NME7: variants seen among roughly 807,000 people sequenced by gnomAD.
NME7 encodes NME/NM23 family member 7, also known as nucleoside diphosphate kinase 7.
Under a neutral mutation model 49.1 loss-of-function variants are expected in NME7, and 41 were observed. That is an observed-to-expected ratio of 0.83 (90% CI 0.65 to 1.08). NME7 has a LOEUF of 1.08. Among genes scored for constraint, NME7 ranks in the 50% least tolerant of loss-of-function variants. The probability of loss-of-function intolerance (pLI) is 0.00; values close to 1 mark genes in which losing one functional copy is unlikely to be tolerated. For synonymous variants in NME7, 139 were observed against 150.6 expected, an observed-to-expected ratio of 0.92 and a Z score of 0.56; for missense variants, 423 against 463.4, an observed-to-expected ratio of 0.91 and a Z score of 0.80.
rs1659631451 is a variant in NME7 at position 169,172,459 on chromosome 1, T to C, written c.991-2905A>G. Among the ~76,000 whole-genome samples the C allele has an allele frequency of 2.0e-5, 3 of 152,202 alleles. No individual in the cohort carries two copies. In the South Asian group the frequency reaches 6.2e-4, roughly 32 times the overall value. Reference sequence around the variant, plus strand: ...ATCTCCTGTAAATTCCTGTAAGGACTTGGTAAGCAAGGGGATGATGGGCAC... The same window carrying C: ...ATCTCCTGTAAATTCCTGTAAGGACCTGGTAAGCAAGGGGATGATGGGCAC... On this transcript the variant is annotated intron_variant, in intron 10 of 11. Transcript: ENST00000367811.
At chr1:169,261,337 A>T (rs1261999567) in intron 7 of NME7, among the ~76,000 whole-genome samples, 1 of 133,762 alleles carries the variant, frequency 7.5e-6, no homozygotes, top group African/African-American at 2.5e-5. Context: ...TTTCATTCCA[A>T]TCTCACTAGA....
chr1:169,295,032 C>T (rs1392508777), intron 6 of NME7, among the ~76,000 whole-genome samples: 1 of 152,084 alleles, frequency 6.6e-6, no homozygotes, highest in Non-Finnish European at 1.5e-5. Context: ...ACACCTCTCC[C>T]GGTGGCTTGC....
chr1:169,174,069 A>G (rs1456937481), intron 10 of NME7, among the ~76,000 whole-genome samples: 2 of 152,182 alleles, frequency 1.3e-5, no homozygotes, highest in Non-Finnish European at 1.5e-5. Context: ...ATTCTTGGCT[A>G]TGTTACAGCT....
chr1:169,167,928 G>A (rs1659461575), intron 11 of NME7, among the ~76,000 whole-genome samples: 1 of 152,130 alleles, frequency 6.6e-6, no homozygotes, highest in South Asian at 2.1e-4. Flanking sequence ...GGCAGGAAAG[G>A]GCTCCCATAC....
At chr1:169,160,280 A>G (rs529595320) in intron 11 of NME7, among the ~76,000 whole-genome samples, 1 of 152,202 alleles carries the variant, frequency 6.6e-6, no homozygotes, top group East Asian at 1.9e-4. Context: ...ATCTTTCCTC[A>G]TCGTACCCTC....
intron 1 of NME7, among the ~76,000 whole-genome samples, chr1:169,337,010 C>T (rs1193519116): frequency 2.0e-5 from 3 of 152,262 alleles, no homozygotes; most frequent in African/African-American, 4.8e-5. Context: ...CAGCTGGCTT[C>T]ACCCAGTGGA....
intron 1 of NME7, among the ~76,000 whole-genome samples, chr1:169,333,131 G>T (rs2101949504): frequency 6.6e-6 from 1 of 152,224 alleles, no homozygotes; most frequent in South Asian, 2.1e-4. Flanking sequence ...CCATAAAAAA[G>T]AATGAGATCC....
At chr1:169,354,518 A>C (rs955826087) in intron 1 of NME7, among the ~76,000 whole-genome samples, 4 of 151,722 alleles carry the variant, frequency 2.6e-5, no homozygotes, top group Non-Finnish European at 5.9e-5. Flanking sequence ...AATAACTAGA[A>C]GAGTGTAACT....
chr1:169,176,763 G>C (rs979781935), intron 10 of NME7, among the ~76,000 whole-genome samples: 17 of 152,022 alleles, frequency 1.1e-4, no homozygotes, highest in Admixed American at 1.0e-3. Context: ...GCATTCTTCA[G>C]AAGGATGAGC....
chr1:169,173,087 G>T (rs1448084956), intron 10 of NME7, among the ~76,000 whole-genome samples: 7 of 152,148 alleles, frequency 4.6e-5, no homozygotes, highest in Non-Finnish European at 1.5e-5. Context: ...GTGGAAAAAG[G>T]CTCTCTGGAT....
chr1:169,257,319 C>T (rs1301887451), intron 7 of NME7, among the ~76,000 whole-genome samples: 2 of 134,086 alleles, frequency 1.5e-5, no homozygotes, highest in East Asian at 2.0e-4. Flanking sequence ...TGGGAGTGAC[C>T]CGATTTTCCA....
chr1:169,351,776 T>C (rs971830376), intron 1 of NME7, among the ~76,000 whole-genome samples: 3 of 152,014 alleles, frequency 2.0e-5, no homozygotes, highest in African/African-American at 2.4e-5. Context: ...CAAAAGATCA[T>C]TGATGGCTAC....
At chr1:169,212,628 G>T (rs1185302140) in intron 10 of NME7, among the ~76,000 whole-genome samples, 1 of 137,260 alleles carries the variant, frequency 7.3e-6, no homozygotes, top group Non-Finnish European at 1.5e-5. Context: ...TTAAGTCAAG[G>T]TCTTGCTCTG....
At chr1:169,138,702 G>C (rs1658502934) in intron 11 of NME7, among the ~76,000 whole-genome samples, 1 of 152,158 alleles carries the variant, frequency 6.6e-6, no homozygotes, top group Admixed American at 6.5e-5. Flanking sequence ...CTGGGTGACA[G>C]AGCAAGACCC....
Position 169,169,538 on chromosome 1 carries a change from A to G in NME7, c.1007T>C (p.Leu336Ser), listed in dbSNP as rs1659516894. Residue 336 changes from leucine to serine, a missense_variant, in exon 11 of 12, where the codon TTA (leucine) becomes TCA (serine). Transcript: ENST00000367811. ...GATTGCTCTGAGAGTTCCAGGGCGT[A>G]AATGCCGGGCAATTTCCTATTAAAC... ...GPADPEIARH[L>S]RPGTLRAIFG... 1.2e-6 allele frequency: 2 copies of G among 1,613,862 alleles called. No individual in the cohort carries two copies. Among genetic ancestry groups the G allele is most frequent in the Non-Finnish European group, 1.7e-6 (2 of 1,179,876 alleles).
intron 7 of NME7, among the ~76,000 whole-genome samples, chr1:169,283,281 T>C (rs1451261616): frequency 2.6e-5 from 4 of 152,212 alleles, no homozygotes; most frequent in Non-Finnish European, 4.4e-5. Context: ...CTGCTTTTTT[T>C]GCTTTCCATT....
At chr1:169,256,534 T>C (rs1266526743) in intron 7 of NME7, among the ~76,000 whole-genome samples, 2 of 133,194 alleles carry the variant, frequency 1.5e-5, no homozygotes, top group African/African-American at 2.6e-5. Context: ...TCAGAGTAAT[T>C]TGATCGTCTG....
intron 7 of NME7, among the ~76,000 whole-genome samples, chr1:169,242,008 T>G (rs1008210569): frequency 1.3e-5 from 2 of 151,978 alleles, no homozygotes; most frequent in Non-Finnish European, 2.9e-5. Context: ...AGCCTGGTCT[T>G]GAACTCCTAG....
chr1:169,199,140 T>C (rs1660473277), intron 10 of NME7, among the ~76,000 whole-genome samples: 1 of 152,096 alleles, frequency 6.6e-6, no homozygotes. Flanking sequence ...CTTGAAACCT[T>C]GGCCAGTATC....
Sources: gnomAD v4.1 joint callset for allele counts (sites outside exome capture counted in the v4.1 genomes callset) on GRCh38, gnomAD v4.1.1 for gene constraint, MANE v1.5 for transcripts, NCBI Gene and HGNC (gene_info 2026-07-23, HGNC 2026-07-21) for gene names.